Variants in FAM169A observed in about 807,000 individuals in gnomAD.
The protein encoded by FAM169A is family with sequence similarity 169 member A, also known as soluble lamin-associated protein of 75 kDa.
In FAM169A, 24 loss-of-function variants were observed where a neutral mutation model predicts 75.7. The ratio of observed to expected loss-of-function variants is 0.32; its 90% CI spans 0.23 to 0.45. The LOEUF (loss-of-function observed/expected upper bound fraction) is 0.45, where lower values mean the gene tolerates loss of function less well. Ranked by LOEUF, FAM169A falls within the 20% of genes least tolerant of loss-of-function variation. The probability of loss-of-function intolerance (pLI) is 1.00; values close to 1 mark genes in which losing one functional copy is unlikely to be tolerated. For synonymous variants in FAM169A, 271 were observed against 271.0 expected (o/e 1.00, Z 0.00); for missense variants, 673 against 784.0 (o/e 0.86, Z 1.69).
chr5:74,846,972 T>C (rs895882280), intron 1 of FAM169A, among the ~76,000 whole-genome samples: 1 of 152,194 alleles, frequency 6.6e-6, no homozygotes, highest in Non-Finnish European at 1.5e-5. Flanking sequence ...ATCTTTCCTC[T>C]ATCCCAGTGT....
intron 10 of FAM169A, chr5:74,800,066 A>C: frequency 2.8e-6 from 2 of 709,314 alleles, no homozygotes; most frequent in Non-Finnish European, 5.2e-6. Context: ...TTGGGATTTC[A>C]AGGATAATTT....
chr5:74,800,961 C>A lies in FAM169A; in HGVS notation c.1022G>T (p.Arg341Leu). 1 of 1,561,708 alleles carries A rather than the reference C, an allele frequency of 6.4e-7. No individual in the cohort carries two copies. Among genetic ancestry groups the A allele is most frequent in the South Asian group, 1.2e-5 (1 of 83,822 alleles). The change falls in exon 10 of 13, where the codon CGG (arginine) becomes CTG (leucine). Residue 341 changes from arginine (R) to leucine (L), a missense_variant. By Grantham distance (102) the Arg-to-Leu change is moderately radical. Coordinates refer to ENST00000687041, the MANE Select transcript of FAM169A (RefSeq NM_001376049.1). Reference sequence around the variant, plus strand: ...ACTGCTAAATTCAGAATCCTGAAACCGCTTTCCAATCTTTGGCCGCTTTAG... The same window carrying A: ...ACTGCTAAATTCAGAATCCTGAAACAGCTTTCCAATCTTTGGCCGCTTTAG... Reference protein sequence around the residue: ...GNLKRPKIGKRFQDSEFSSSQ... With the variant: ...GNLKRPKIGKLFQDSEFSSSQ...
At chr5:74,793,906 G>A (rs1052418508) in intron 11 of FAM169A, among the ~76,000 whole-genome samples, 2 of 151,274 alleles carry the variant, frequency 1.3e-5, no homozygotes, top group Admixed American at 1.3e-4. Flanking sequence ...AGAAGGCTGA[G>A]GCAGGAGAAT....
Position 74,780,849 on chromosome 5 carries a change from AGTG to A in FAM169A, c.*608_*610del, listed in dbSNP as rs1208791441. ...ATTTTATGTGTACCTTTCCATAGATAGTGAAGTCAAAGGAAAAAACTGCATCTA... is the reference window on the plus strand; with the variant it reads ...ATTTTATGTGTACCTTTCCATAGATAAAGTCAAAGGAAAAAACTGCATCTA... On this transcript the variant is annotated 3_prime_UTR_variant, in exon 13 of 13. Coordinates refer to ENST00000687041, the MANE Select transcript of FAM169A (RefSeq NM_001376049.1). 1 of 152,316 alleles carries A rather than the reference AGTG, an allele frequency of 6.6e-6. No individual in the cohort carries two copies. Among genetic ancestry groups the A allele is most frequent in the African/African-American group, 2.4e-5 (1 of 41,474 alleles). 9.4% of individuals were successfully genotyped at this position (152,316 alleles called of 1,614,324 possible).
At chr5:74,812,968 A>G (rs1193535456) in intron 6 of FAM169A, among the ~76,000 whole-genome samples, 5 of 152,226 alleles carry the variant, frequency 3.3e-5, no homozygotes, top group Non-Finnish European at 7.3e-5. Context: ...CAGCCATACA[A>G]TGGAATATTA....
At chr5:74,835,671 C>T (rs1242818690) in intron 4 of FAM169A, among the ~76,000 whole-genome samples, 1 of 148,996 alleles carries the variant, frequency 6.7e-6, no homozygotes, top group Non-Finnish European at 1.5e-5. Flanking sequence ...AAAACAAGTT[C>T]AGGCTCTAAT....
chr5:74,828,631 T>C (rs566989841), intron 5 of FAM169A, among the ~76,000 whole-genome samples: 3 of 152,340 alleles, frequency 2.0e-5, no homozygotes, highest in South Asian at 4.1e-4. Flanking sequence ...GCTAGTGTTA[T>C]AATGACTGAA....
intron 5 of FAM169A, among the ~76,000 whole-genome samples, chr5:74,821,193 A>C (rs1483569116): frequency 6.6e-6 from 1 of 152,186 alleles, no homozygotes; most frequent in Non-Finnish European, 1.5e-5. Flanking sequence ...GAGCTTATAA[A>C]ATATCTATGA....
intron 11 of FAM169A, among the ~76,000 whole-genome samples, chr5:74,785,936 T>C (rs901872848): frequency 2.6e-5 from 4 of 152,186 alleles, no homozygotes; most frequent in Admixed American, 2.0e-4. Flanking sequence ...ATGCAAGGTA[T>C]TGTTCCTGGG....
At chr5:74,827,681 T>G (rs1748106567) in intron 5 of FAM169A, among the ~76,000 whole-genome samples, 1 of 151,670 alleles carries the variant, frequency 6.6e-6, no homozygotes, top group Admixed American at 6.6e-5. Context: ...TTTTTTTTTT[T>G]TTTGAGATGG....
intron 1 of FAM169A, among the ~76,000 whole-genome samples, chr5:74,861,638 C>T (rs1407210336): frequency 6.6e-6 from 1 of 152,034 alleles, no homozygotes; most frequent in African/African-American, 2.4e-5. Flanking sequence ...TCACTTGAAC[C>T]TAGAAGGCAG....
chr5:74,780,719 C>A lies in FAM169A; in HGVS notation c.*741G>T, dbSNP rs1017229494. 2.0e-4 allele frequency: 30 copies of A among 152,160 alleles called. No individual in the cohort carries two copies. The highest frequency in any genetic ancestry group is 7.0e-4 in the African/African-American group (29 of 41,442). The allele number at this position is 152,160 out of a possible 1,614,324, so 9.4% of individuals were successfully genotyped here. A position where few individuals can be genotyped will look rare whatever the true frequency, so the allele number is the denominator to read the frequency against. The stretch of plus-strand genomic sequence containing the variant: ...CATATGCAGACAAAAAAAATTACAG[C>A]AAACTAATACTTCAAATGAAATTTT... On this transcript the variant is annotated 3_prime_UTR_variant, in exon 13 of 13. Coordinates refer to ENST00000687041, the MANE Select transcript of FAM169A (RefSeq NM_001376049.1).
In FAM169A at chr5:74,838,959, TG is replaced by T. The variant is rs1748710623; in HGVS notation, c.318+5del. 10 of 1,603,022 alleles carry T rather than the reference TG, an allele frequency of 6.2e-6. No homozygotes were observed. Among genetic ancestry groups the T allele is most frequent in the Non-Finnish European group, 8.5e-6 (10 of 1,169,846 alleles). On this transcript the variant is annotated splice_donor_5th_base_variant and intron_variant, in intron 4 of 12. Transcript: ENST00000687041. The stretch of plus-strand genomic sequence containing the variant: ...AGAAACACTCAAAATTAGAGGATCT[TG>T]TTACCTGCTTAAGCCCCTCTCTTGA...
At chr5:74,841,750 ATT>A in intron 1 of FAM169A, 71 bp from the exon 2 acceptor site, 1 of 1,297,394 alleles carries the variant, frequency 7.7e-7, no homozygotes, top group Non-Finnish European at 1.0e-6. Context: ...CAGAAAATAA[ATT>A]TTACTACAAT....
At chr5:74,839,082 A>G (rs1435528412) in intron 3 of FAM169A, 32 bp from the exon 4 acceptor site, 2 of 1,496,016 alleles carry the variant, frequency 1.3e-6, no homozygotes, top group Non-Finnish European at 9.3e-7. Flanking sequence ...TTAACACTTG[A>G]GTTTTAAAGT....
chr5:74,840,472 A>G (rs1748799276), intron 2 of FAM169A, among the ~76,000 whole-genome samples: 2 of 151,760 alleles, frequency 1.3e-5, no homozygotes, highest in Admixed American at 6.6e-5. Context: ...AAAAACAACT[A>G]TAATTTATCA....
intron 11 of FAM169A, among the ~76,000 whole-genome samples, chr5:74,793,838 C>A (rs768793556): frequency 6.6e-6 from 1 of 151,436 alleles, no homozygotes; most frequent in Non-Finnish European, 1.5e-5. Flanking sequence ...CCCGTCTCTA[C>A]TAAAAATAGA....
rs770689107 is a variant in FAM169A at position 74,783,161 on chromosome 5, G to A, written c.1261-27C>T. 3.9e-6 allele frequency: 6 copies of A among 1,531,862 alleles called. No individual in the cohort carries two copies. The African/African-American group carries it at 5.5e-5, about 14-fold the overall frequency. The allele number at this position is 1,531,862 out of a possible 1,614,324, so 94.9% of individuals were successfully genotyped here. ...TACACCATGAGGAGAGAGGGAAAAAGTAAGGACATGATTACAAACTAACTT... is the reference window on the plus strand; with the variant it reads ...TACACCATGAGGAGAGAGGGAAAAAATAAGGACATGATTACAAACTAACTT... On this transcript the variant is annotated intron_variant, in intron 11 of 12. Coordinates refer to ENST00000687041, the MANE Select transcript of FAM169A (RefSeq NM_001376049.1).
chr5:74,852,384 C>G (rs997631561), intron 1 of FAM169A, among the ~76,000 whole-genome samples: 15 of 152,124 alleles, frequency 9.9e-5, no homozygotes, highest in Non-Finnish European at 1.6e-4. Context: ...AGATTCAGTA[C>G]AATTCTTACC....
Sources: allele counts gnomAD v4.1 joint callset (sites outside exome capture counted in the v4.1 genomes callset), GRCh38; gene constraint gnomAD v4.1.1; transcripts MANE v1.5; gene names NCBI Gene and HGNC (gene_info 2026-07-23, HGNC 2026-07-21).